EPHA3: variants seen among roughly 807,000 people sequenced by gnomAD.
EPHA3 encodes the protein ephrin type-A receptor 3.
In EPHA3, 42 loss-of-function variants were observed where a neutral mutation model predicts 107.1. The observed-to-expected ratio is 0.39, with a 90% CI of 0.31 to 0.51. The LOEUF (loss-of-function observed/expected upper bound fraction) is 0.51, where lower values mean the gene tolerates loss of function less well. Ranked by LOEUF, EPHA3 falls within the 20% of genes least tolerant of loss-of-function variation. The pLI is 0.78. For synonymous variants in EPHA3, 461 were observed against 424.8 expected, an observed-to-expected ratio of 1.09 and a Z score of -1.05; for missense variants, 1,183 against 1,211.2, an observed-to-expected ratio of 0.98 and a Z score of 0.35.
chr3:89,170,164 G>C (rs900221393), intron 2 of EPHA3, among the ~76,000 whole-genome samples: 1 of 151,814 alleles, frequency 6.6e-6, no homozygotes, highest in Admixed American at 6.6e-5. Flanking sequence ...GCTGAGGCAG[G>C]AGAATGGCGA....
In EPHA3 at chr3:89,407,342, C is replaced by A; in HGVS notation, c.1668C>A (p.Leu556=). Reference sequence around the variant, plus strand: ...CAGCGGCAGTAGCAATTATTCTCCTCACTGTTGTCATCTATGTTTTGATTG... The same window carrying A: ...CAGCGGCAGTAGCAATTATTCTCCTAACTGTTGTCATCTATGTTTTGATTG... ...AISAAVAIIL[L]TVVIYVLIGR... is the part of the protein sequence containing the mutation. Residue 556 remains leucine (L), a synonymous_variant, in exon 8 of 17, where the codon CTC becomes CTA. Transcript: ENST00000336596. 1.2e-6 allele frequency: 2 copies of A among 1,613,542 alleles called. No homozygotes were observed. Among genetic ancestry groups the A allele is most frequent in the Non-Finnish European group, 1.7e-6 (2 of 1,179,574 alleles).
At chr3:89,306,004 C>A (rs1706611868) in intron 3 of EPHA3, among the ~76,000 whole-genome samples, 1 of 152,088 alleles carries the variant, frequency 6.6e-6, no homozygotes, top group Non-Finnish European at 1.5e-5. Context: ...ATAGGTAAGC[C>A]TTCCCAGATG....
At chr3:89,472,912 G>T (rs1710436266) in intron 16 of EPHA3, among the ~76,000 whole-genome samples, 1 of 152,054 alleles carries the variant, frequency 6.6e-6, no homozygotes, top group Non-Finnish European at 1.5e-5. Context: ...CCACACTGCA[G>T]ACTCAAGCCC....
chr3:89,136,065 A>G (rs1704303264), intron 2 of EPHA3, among the ~76,000 whole-genome samples: 1 of 152,108 alleles, frequency 6.6e-6, no homozygotes, highest in East Asian at 1.9e-4. Context: ...GGGGTTTTAT[A>G]TGCAGAAATA....
chr3:89,166,805 A>G (rs1705082297), intron 2 of EPHA3, among the ~76,000 whole-genome samples: 2 of 152,192 alleles, frequency 1.3e-5, no homozygotes, highest in African/African-American at 4.8e-5. Flanking sequence ...TTGACCTGAC[A>G]ATATTAAGGG....
chr3:89,323,184 A>T (rs1392522431), intron 3 of EPHA3, among the ~76,000 whole-genome samples: 1 of 152,130 alleles, frequency 6.6e-6, no homozygotes, highest in Admixed American at 6.6e-5. Flanking sequence ...AAAAATGTTT[A>T]TACACAATAT....
intron 3 of EPHA3, among the ~76,000 whole-genome samples, chr3:89,312,702 A>C (rs1285782941): frequency 5.3e-5 from 8 of 151,964 alleles, no homozygotes; most frequent in South Asian, 2.1e-4. Context: ...CCTAATATCC[A>C]TTAGTTATTT....
chr3:89,267,092 A>G (rs2346325), intron 3 of EPHA3, among the ~76,000 whole-genome samples: 36,858 of 152,046 alleles, frequency 0.24, 4,917 homozygotes, highest in African/African-American at 0.37. Context: ...AGCAAACTGA[A>G]TGAATAGAAA....
intron 2 of EPHA3, among the ~76,000 whole-genome samples, chr3:89,169,503 G>A (rs1373720498): frequency 6.6e-6 from 1 of 152,010 alleles, no homozygotes; most frequent in Non-Finnish European, 1.5e-5. Context: ...TAAATAAACT[G>A]CTAATAAAAT....
chr3:89,262,210 A>T (rs2107282459), intron 3 of EPHA3, among the ~76,000 whole-genome samples: 1 of 152,252 alleles, frequency 6.6e-6, no homozygotes, highest in Non-Finnish European at 1.5e-5. Context: ...AATATATCAG[A>T]ATATTTACTC....
At chr3:89,284,905 T>A (rs1175540230) in intron 3 of EPHA3, among the ~76,000 whole-genome samples, 2 of 152,126 alleles carry the variant, frequency 1.3e-5, no homozygotes, top group Non-Finnish European at 2.9e-5. Flanking sequence ...GGAGGGTGGA[T>A]CACTTGAGGT....
rs11342577 is a variant in EPHA3, at chr3:89,121,755, CAA to C, written c.89-5439_89-5438del. ...CTGGCGACACAGGGAGACCCCGTCT[CAA>C]AAAAAAAAAAAAAATTATGCTTGGG... On this transcript the variant is annotated intron_variant, in intron 1 of 16. Coordinates refer to ENST00000336596, the MANE Select transcript of EPHA3 (RefSeq NM_005233.6). Among the ~76,000 whole-genome samples the C allele has an allele frequency of 8.3e-3, 1,099 of 133,066 alleles. 10 individuals are homozygous for C. Among genetic ancestry groups the C allele is most frequent in the African/African-American group, 0.021 (767 of 36,190 alleles). The allele number at this position is 133,066 out of a possible 152,430, so 87.3% of individuals were successfully genotyped here. A position where few individuals can be genotyped will look rare whatever the true frequency, so the allele number is the denominator to read the frequency against.
chr3:89,327,517 T>C (rs1315267419), intron 3 of EPHA3, among the ~76,000 whole-genome samples: 1 of 152,148 alleles, frequency 6.6e-6, no homozygotes, highest in Non-Finnish European at 1.5e-5. Context: ...GTACAGACTC[T>C]ATCATGTGTT....
chr3:89,445,102 T>C (rs1709854803), intron 13 of EPHA3, among the ~76,000 whole-genome samples: 1 of 151,966 alleles, frequency 6.6e-6, no homozygotes, highest in Admixed American at 6.6e-5. Context: ...CTTGTCTCTA[T>C]CAAAAATCCA....
intron 13 of EPHA3, among the ~76,000 whole-genome samples, chr3:89,442,742 A>C (rs1709809497): frequency 6.6e-6 from 1 of 152,146 alleles, no homozygotes; most frequent in Admixed American, 6.5e-5. Context: ...GATGCATGGG[A>C]CAATATAGAC....
intron 15 of EPHA3, among the ~76,000 whole-genome samples, chr3:89,467,428 T>C (rs1038332387): frequency 6.6e-6 from 1 of 152,198 alleles, no homozygotes; most frequent in African/African-American, 2.4e-5. Context: ...CATATACTTA[T>C]TCATTCAAGA....
chr3:89,427,517 G>C (rs984605542), intron 11 of EPHA3, among the ~76,000 whole-genome samples: 2 of 151,832 alleles, frequency 1.3e-5, no homozygotes, highest in African/African-American at 4.8e-5. Flanking sequence ...GCAGTACTCG[G>C]TTAATACTCA....
chr3:89,244,235 A>G (rs548596289), intron 3 of EPHA3, among the ~76,000 whole-genome samples: 1 of 152,220 alleles, frequency 6.6e-6, no homozygotes, highest in South Asian at 2.1e-4. Flanking sequence ...AGCCAATAAA[A>G]TAGCTAGGTT....
intron 5 of EPHA3, among the ~76,000 whole-genome samples, chr3:89,376,407 T>A (rs1409181491): frequency 2.0e-5 from 3 of 151,834 alleles, no homozygotes; most frequent in Admixed American, 6.6e-5. Context: ...TTAGATATTG[T>A]ATGTACATAT....
Sources: allele counts gnomAD v4.1 joint callset (sites outside exome capture counted in the v4.1 genomes callset), GRCh38; gene constraint gnomAD v4.1.1; transcripts MANE v1.5; gene names NCBI Gene and HGNC (gene_info 2026-07-23, HGNC 2026-07-21).